TYW1B: variants seen among roughly 807,000 people sequenced by gnomAD.
TYW1B encodes the protein S-adenosyl-L-methionine-dependent tRNA 4-demethylwyosine synthase TYW1B.
A neutral mutation model predicts 86.9 loss-of-function variants in TYW1B; 73 were observed. The ratio of observed to expected loss-of-function variants is 0.84; its 90% CI spans 0.70 to 1.02. The LOEUF (loss-of-function observed/expected upper bound fraction) is 1.02, where lower values mean the gene tolerates loss of function less well. TYW1B is among the 50% of genes least tolerant of loss of function. The pLI is 0.00. For missense variants in TYW1B, 637 were observed against 827.4 expected (o/e 0.77, Z 2.82); for synonymous variants, 248 against 292.8 (o/e 0.85, Z 1.56).
intron 11 of TYW1B, among the ~76,000 whole-genome samples, chr7:72,635,759 T>C (rs1812651822): frequency 6.6e-6 from 1 of 152,228 alleles, no homozygotes; most frequent in African/African-American, 2.4e-5. Flanking sequence ...AATAGAAATA[T>C]AAGTTCACAG....
chr7:72,711,024 A>G (rs1388079523), intron 10 of TYW1B, among the ~76,000 whole-genome samples: 1 of 152,112 alleles, frequency 6.6e-6, no homozygotes, highest in Non-Finnish European at 1.5e-5. Context: ...ATCACTTCCA[A>G]CTACAAGCAG....
At chr7:72,765,575 C>T (rs539364869) in intron 7 of TYW1B, among the ~76,000 whole-genome samples, 171 of 152,228 alleles carry the variant, frequency 1.1e-3, no homozygotes, top group African/African-American at 3.8e-3. Context: ...AAATGATTCT[C>T]GTGCCTCAGC....
intron 6 of TYW1B, among the ~76,000 whole-genome samples, chr7:72,781,499 C>T (rs1368591706): frequency 2.0e-5 from 3 of 152,156 alleles, no homozygotes; most frequent in Non-Finnish European, 2.9e-5. Context: ...AGTGTTTCTT[C>T]CTATCTCCTT....
At chr7:72,606,683 C>G (rs560246177) in intron 13 of TYW1B, among the ~76,000 whole-genome samples, 2,789 of 148,120 alleles carry the variant, frequency 0.019, 96 homozygotes, top group African/African-American at 0.046. Flanking sequence ...CTCCCTTCTT[C>G]ATCAGAATGG....
intron 11 of TYW1B, among the ~76,000 whole-genome samples, chr7:72,668,318 T>G (rs1192132724): frequency 6.6e-6 from 1 of 152,226 alleles, no homozygotes; most frequent in Non-Finnish European, 1.5e-5. Context: ...CTAATTAGCA[T>G]ATATATCAAA....
intron 1 of TYW1B, among the ~76,000 whole-genome samples, chr7:72,827,775 G>A (rs1788964390): frequency 6.6e-6 from 1 of 151,986 alleles, no homozygotes; most frequent in Admixed American, 6.6e-5. Flanking sequence ...GTTCAACCTG[G>A]CAGCAATTTC....
At position 72,719,157 on chromosome 7, in the gene TYW1B, T is replaced by A. The variant is rs79961367; in HGVS notation, c.1193-5359A>T. 4.1e-3 allele frequency among the ~76,000 whole-genome samples: 614 copies of A among 150,780 alleles called. 7 individuals are homozygous for A. The highest frequency in any genetic ancestry group is 0.032 in the South Asian group (152 of 4,806). ...AAAAATAAATTCAATTATTATTATT[T>A]TTTTTTTTTTAGACAAGGTCTGCCT... On this transcript the variant is annotated intron_variant, in intron 9 of 13. Transcript: ENST00000620995.
At chr7:72,738,532 A>G (rs1787241132) in intron 8 of TYW1B, among the ~76,000 whole-genome samples, 1 of 152,166 alleles carries the variant, frequency 6.6e-6, no homozygotes, top group Non-Finnish European at 1.5e-5. Flanking sequence ...TGTCCTATGC[A>G]TTAGGGAATG....
chr7:72,730,682 GAGGAGGAGGAAGAGC>G (rs1430543556), intron 8 of TYW1B, among the ~76,000 whole-genome samples: 2 of 151,432 alleles, frequency 1.3e-5, no homozygotes, highest in Non-Finnish European at 2.9e-5. Flanking sequence ...ATAGAGGAGA[GAGGAGGAGGAAGAGC>G]AGGAGGAGGA....
chr7:72,735,433 G>A (rs192745606), intron 8 of TYW1B, among the ~76,000 whole-genome samples: 12 of 152,168 alleles, frequency 7.9e-5, no homozygotes, highest in African/African-American at 2.2e-4. Flanking sequence ...TAAGCCAGGC[G>A]TGGTGGCACG....
At chr7:72,797,241 C>A (rs189858950) in intron 6 of TYW1B, among the ~76,000 whole-genome samples, 3 of 152,156 alleles carry the variant, frequency 2.0e-5, no homozygotes, top group African/African-American at 7.2e-5. Flanking sequence ...AATTTAGGGC[C>A]AGCCTGACCT....
chr7:72,632,323 A>ATATATAT (rs1437139684), intron 11 of TYW1B, among the ~76,000 whole-genome samples: 70 of 111,258 alleles, frequency 6.3e-4, no homozygotes, highest in African/African-American at 2.6e-3. Flanking sequence ...TATATATATT[A>ATATATAT]TATATATATA....
Position 72,807,330 on chromosome 7 carries a change from G to C in TYW1B, c.459C>G (p.Leu153=), listed in dbSNP as rs1554477005. 5 of 1,612,672 alleles carry C rather than the reference G, an allele frequency of 3.1e-6. No homozygotes were observed. The highest frequency in any genetic ancestry group is 3.4e-6 in the Non-Finnish European group (4 of 1,178,744). ...TCACACGATGCACGCCAAGCATCCA[G>C]AGCCACTTGTCAACATTTTTGCCAA... ...NKVGKNVDKW[L]WMLGVHRVMS... is the part of the protein sequence containing the mutation. The change falls in exon 5 of 14, where the codon CTC becomes CTG. Residue 153 remains leucine (L), a synonymous_variant. Transcript: ENST00000620995.
At position 72,754,203 on chromosome 7, in the gene TYW1B, G is replaced by A. The variant is rs140738500; in HGVS notation, c.965-9602C>T. ...TGCCCAGGCTGGAGTGTGGTGGCAC[G>A]ATCTCGGCTCACTGCAACCTCCACC... On this transcript the variant is annotated intron_variant, in intron 7 of 13. Transcript: ENST00000620995. Among the ~76,000 whole-genome samples, 222 of 150,898 alleles carry A rather than the reference G, an allele frequency of 1.5e-3. 5 individuals are homozygous for A. Among genetic ancestry groups the A allele is most frequent in the Non-Finnish European group, 1.5e-4 (10 of 67,676 alleles).
At chr7:72,744,342 T>C in intron 8 of TYW1B, 142 bp downstream of exon 8, 2 of 850,998 alleles carry the variant, frequency 2.4e-6, no homozygotes, top group South Asian at 3.6e-5. Flanking sequence ...GTCTACAAAA[T>C]TTTTATACAC....
intron 6 of TYW1B, among the ~76,000 whole-genome samples, chr7:72,782,152 G>A (rs1382505215): frequency 6.6e-6 from 1 of 151,906 alleles, no homozygotes; most frequent in East Asian, 1.9e-4. Flanking sequence ...AGCCAGGTGT[G>A]GTGGCACGTG....
chr7:72,826,126 A>T (rs1200781161), intron 2 of TYW1B, among the ~76,000 whole-genome samples: 1 of 152,198 alleles, frequency 6.6e-6, no homozygotes, highest in Non-Finnish European at 1.5e-5. Flanking sequence ...AACCATAAAA[A>T]ATCTTCACTC....
At chr7:72,783,508 A>G (rs1357751702) in intron 6 of TYW1B, among the ~76,000 whole-genome samples, 2 of 152,278 alleles carry the variant, frequency 1.3e-5, no homozygotes, top group East Asian at 3.8e-4. Context: ...AATTAAGTAA[A>G]TTATTAATAT....
intron 13 of TYW1B, among the ~76,000 whole-genome samples, chr7:72,583,800 A>C (rs1811212671): frequency 6.6e-6 from 1 of 152,188 alleles, no homozygotes; most frequent in Admixed American, 6.6e-5. Flanking sequence ...TAATCCACAT[A>C]ATAAACATGT....
Sources: allele counts gnomAD v4.1 joint callset (sites outside exome capture counted in the v4.1 genomes callset), GRCh38; gene constraint gnomAD v4.1.1; transcripts MANE v1.5; gene names NCBI Gene and HGNC (gene_info 2026-07-23, HGNC 2026-07-21).